Variants in DCP1B observed in about 807,000 individuals in gnomAD.
The protein encoded by DCP1B is mRNA-decapping enzyme 1B.
In DCP1B, 47 loss-of-function variants were observed where a neutral mutation model predicts 60.5. The ratio of observed to expected loss-of-function variants is 0.78; its 90% confidence interval spans 0.61 to 0.99. The LOEUF is 0.99. Among genes scored for constraint, DCP1B ranks in the 50% least tolerant of loss-of-function variants. The probability of loss-of-function intolerance (pLI) is 0.00; values close to 1 mark genes in which losing one functional copy is unlikely to be tolerated. For synonymous variants in DCP1B, 267 were observed against 280.3 expected, an observed-to-expected ratio of 0.95 and a Z score of 0.47; for missense variants, 725 against 756.8, an observed-to-expected ratio of 0.96 and a Z score of 0.49.
intron 1 of DCP1B, among the ~76,000 whole-genome samples, chr12:2,002,978 C>T (rs2042532389): frequency 6.6e-6 from 1 of 152,166 alleles, no homozygotes; most frequent in African/African-American, 2.4e-5. Flanking sequence ...CCTCTTTCTC[C>T]TGATCAAGAG....
intron 2 of DCP1B, among the ~76,000 whole-genome samples, chr12:1,994,334 A>T (rs1356238801): frequency 6.6e-6 from 1 of 152,248 alleles, no homozygotes; most frequent in Non-Finnish European, 1.5e-5. Flanking sequence ...GAGCAACAGG[A>T]AGACAAGTTG....
In DCP1B at chr12:1,984,558, C is replaced by A. The variant is rs529618344; in HGVS notation, c.319+8706G>T. 9.2e-5 allele frequency among the ~76,000 whole-genome samples: 14 copies of A among 152,122 alleles called. No individual in the cohort carries two copies. The South Asian group carries it at 2.7e-3, about 29-fold the overall frequency. ...TTGTCACATGTATCACATCCGTATA[C>A]ACTGAACCTCCTTCCTGACAATGTT... On this transcript the variant is annotated intron_variant, in intron 3 of 8. Transcript: ENST00000280665.
Position 1,949,149 on chromosome 12 carries a change from G to C in DCP1B, c.1710C>G (p.Ser570=), listed in dbSNP as rs146996705. 2 of 1,614,008 alleles carry C rather than the reference G, an allele frequency of 1.2e-6. No individual in the cohort carries two copies. The highest frequency in any genetic ancestry group is 1.3e-5 in the African/African-American group (1 of 74,912). The change falls in exon 8 of 9, where the codon TCC becomes TCG. Residue 570 remains serine (S), a synonymous_variant. Coordinates refer to ENST00000280665, the MANE Select transcript of DCP1B (RefSeq NM_152640.5). ...LLLPIQSPEP[S]VITSSPLTKL... ...TGGTGAGTGGGCTGCTGGTGATCACGGAGGGCTCCGGGCTCTGTATGGGCA... is the reference window on the plus strand; with the variant it reads ...TGGTGAGTGGGCTGCTGGTGATCACCGAGGGCTCCGGGCTCTGTATGGGCA...
intron 1 of DCP1B, among the ~76,000 whole-genome samples, chr12:2,002,955 T>C (rs1034226852): frequency 6.6e-6 from 1 of 152,000 alleles, no homozygotes; most frequent in Non-Finnish European, 1.5e-5. Context: ...CCCTGGAAAC[T>C]AGGGGGAAAT....
At chr12:1,947,528 T>C (rs1285237344) in intron 8 of DCP1B, among the ~76,000 whole-genome samples, 15 of 152,166 alleles carry the variant, frequency 9.9e-5, no homozygotes. Context: ...GGGAATGTAA[T>C]TTCTAATCCG....
downstream of DCP1B, among the ~76,000 whole-genome samples, chr12:1,942,749 C>A (rs1006865759): frequency 1.3e-5 from 2 of 152,124 alleles, no homozygotes; most frequent in African/African-American, 4.8e-5. Context: ...CCAGGGAAAA[C>A]AAAGACATAT....
chr12:1,965,291 G>A (rs1385926130), intron 5 of DCP1B, among the ~76,000 whole-genome samples: 1 of 152,134 alleles, frequency 6.6e-6, no homozygotes, highest in Non-Finnish European at 1.5e-5. Flanking sequence ...CTTACTACCA[G>A]TTGTGTATAT....
At chr12:1,987,910 TATC>T in intron 3 of DCP1B, among the ~76,000 whole-genome samples, 1 of 152,358 alleles carries the variant, frequency 6.6e-6, no homozygotes, top group African/African-American at 2.4e-5. Flanking sequence ...ATGCTCCTCA[TATC>T]ATCACCAAAC....
rs1326821036 is a variant in DCP1B at position 1,952,476 on chromosome 12, T to C, written c.1464A>G (p.Lys488=). Residue 488 remains lysine, a synonymous_variant, in exon 7 of 9, where the codon AAA becomes AAG. Transcript: ENST00000280665. ...TCTTGTTGATCCAGGATTCCAAGGGTTTCCCTGTTCCAGAGCTCTGAGCGA... is the reference window on the plus strand; with the variant it reads ...TCTTGTTGATCCAGGATTCCAAGGGCTTCCCTGTTCCAGAGCTCTGAGCGA... ...PVLAQSSGTG[K]PLESWINKTP... The C allele has an allele frequency of 6.2e-7, 1 of 1,613,134 alleles. No individual in the cohort carries two copies. Among genetic ancestry groups the C allele is most frequent in the Non-Finnish European group, 8.5e-7 (1 of 1,179,376 alleles).
intron 3 of DCP1B, among the ~76,000 whole-genome samples, chr12:1,982,234 A>C (rs2036363765): frequency 6.6e-6 from 1 of 152,198 alleles, no homozygotes. Flanking sequence ...AATATTAAAA[A>C]CATTAAATTT....
Position 1,953,020 on chromosome 12 carries a change from A to G in DCP1B, c.920T>C (p.Leu307Ser). 1 of 1,614,196 alleles carries G rather than the reference A, an allele frequency of 6.2e-7. No individual in the cohort carries two copies. The highest frequency in any genetic ancestry group is 8.5e-7 in the Non-Finnish European group (1 of 1,180,014). ...LMVRSADLHP[L>S]SELPENRPCE... ...AGGCCGGTTTTCAGGCAGCTCTGACAATGGGTGGAGGTCTGCGCTCCTGAC... is the reference window on the plus strand; with the variant it reads ...AGGCCGGTTTTCAGGCAGCTCTGACGATGGGTGGAGGTCTGCGCTCCTGAC... Residue 307 changes from leucine to serine, a missense_variant, in exon 7 of 9, where the codon TTG becomes TCG. Leu to Ser is a moderately radical substitution (Grantham distance 145). Coordinates refer to ENST00000280665, the MANE Select transcript of DCP1B (RefSeq NM_152640.5).
chr12:1,971,840 A>T lies in DCP1B; in HGVS notation c.320-3930T>A, dbSNP rs2154458176. On this transcript the variant is annotated intron_variant, in intron 3 of 8. Transcript: ENST00000280665. This position sits in a 1 kb window ranked among gnomAD's most constrained non-coding sequence, Gnocchi z 4.2. ...TGATCTGTTCTTTTAAGATATTTATAATTTGTTTTATATTTTTACCCAAAT... is the reference window on the plus strand; with the variant it reads ...TGATCTGTTCTTTTAAGATATTTATTATTTGTTTTATATTTTTACCCAAAT... Among the ~76,000 whole-genome samples, 1 of 152,350 alleles carries T rather than the reference A, an allele frequency of 6.6e-6. No individual in the cohort carries two copies. Among genetic ancestry groups the T allele is most frequent in the African/African-American group, 2.4e-5 (1 of 41,582 alleles).
rs200329003 is a variant in DCP1B, at chr12:1,952,727, G to C, written c.1213C>G (p.Gln405Glu). 1.2e-6 allele frequency: 2 copies of C among 1,614,182 alleles called. No homozygotes were observed. Among genetic ancestry groups the C allele is most frequent in the East Asian group, 4.5e-5 (2 of 44,880 alleles). Residue 405 changes from glutamine to glutamate, a missense_variant, in exon 7 of 9, where the codon CAG (glutamine) becomes GAG (glutamate). Coordinates refer to ENST00000280665, the MANE Select transcript of DCP1B (RefSeq NM_152640.5). Reference protein sequence around the residue: ...APGKGLAQPPQAYFNGSLPPQ... With the variant: ...APGKGLAQPPEAYFNGSLPPQ... ...GGAAGGGAGCCATTGAAATAGGCCT[G>C]TGGTGGCTGAGCCAGACCCTTTCCT...
chr12:1,957,881 C>A (rs2030943546), intron 5 of DCP1B, among the ~76,000 whole-genome samples: 2 of 152,248 alleles, frequency 1.3e-5, no homozygotes, highest in South Asian at 4.1e-4. Flanking sequence ...ATACTGATAG[C>A]TCAACATTTT....
chr12:1,961,090 G>A (rs1161857860), intron 5 of DCP1B, among the ~76,000 whole-genome samples: 1 of 152,170 alleles, frequency 6.6e-6, no homozygotes, highest in Non-Finnish European at 1.5e-5. Flanking sequence ...ATAAGGTGAT[G>A]GAAAAAGAAC....
intron 2 of DCP1B, among the ~76,000 whole-genome samples, chr12:1,995,106 A>G (rs187964803): frequency 6.6e-6 from 1 of 152,346 alleles, no homozygotes; most frequent in Admixed American, 6.5e-5. Context: ...TTTAATTGAG[A>G]GTTCCATTAG....
At chr12:1,990,545 T>G (rs1055848986) in intron 3 of DCP1B, among the ~76,000 whole-genome samples, 2 of 152,236 alleles carry the variant, frequency 1.3e-5, no homozygotes, top group Non-Finnish European at 2.9e-5. Context: ...AAGGGATTTT[T>G]TTTTTCTCTC....
chr12:1,952,120 C>T (rs2030693822), intron 7 of DCP1B, among the ~76,000 whole-genome samples: 1 of 152,206 alleles, frequency 6.6e-6, no homozygotes, highest in Non-Finnish European at 1.5e-5. Context: ...GTCCCTAGAG[C>T]ATGGAAGTGG....
Position 1,997,935 on chromosome 12 carries a change from C to T in DCP1B, c.191G>A (p.Arg64Lys). The stretch of plus-strand genomic sequence containing the variant: ...CTTTATAAAAGTGAAACACTCTTAC[C>T]TTGTATAAACAAATAAGGTTCCTTC... Reference protein sequence around the residue: ...DVEGTLFVYTRSASPKHGFTI... With the variant: ...DVEGTLFVYTKSASPKHGFTI... Residue 64 changes from arginine (R) to lysine (K), a missense_variant and splice_region_variant, in exon 2 of 9, where the codon AGG becomes AAG. Coordinates refer to ENST00000280665, the MANE Select transcript of DCP1B (RefSeq NM_152640.5). 6.2e-7 allele frequency: 1 copy of T among 1,605,704 alleles called. No individual in the cohort carries two copies. Among genetic ancestry groups the T allele is most frequent in the Non-Finnish European group, 8.5e-7 (1 of 1,176,352 alleles).
Sources: gnomAD v4.1 joint callset for allele counts (sites outside exome capture counted in the v4.1 genomes callset) on GRCh38, gnomAD v4.1.1 for gene constraint, Gnocchi (gnomAD v3.1) non-coding constraint, MANE v1.5 for transcripts, NCBI Gene and HGNC (gene_info 2026-07-23, HGNC 2026-07-21) for gene names.